Variants in FBRSL1 observed in about 807,000 individuals in gnomAD.
FBRSL1 encodes the protein fibrosin-1-like protein.
Under a neutral mutation model 89.6 loss-of-function variants are expected in FBRSL1, and 51 were observed. The ratio of observed to expected loss-of-function variants is 0.57; its 90% CI spans 0.45 to 0.72. FBRSL1 has a LOEUF of 0.72. FBRSL1 is among the 30% of genes least tolerant of loss of function. FBRSL1 has a pLI of 0.00. For synonymous variants in FBRSL1, 779 were observed against 681.1 expected, an observed-to-expected ratio of 1.14 and a Z score of -2.24; for missense variants, 1,618 against 1,451.8, an observed-to-expected ratio of 1.11 and a Z score of -1.86.
At chr12:132,576,970 C>A (rs1191779356) in intron 15 of FBRSL1, 39 bp downstream of exon 15, 9 of 1,532,320 alleles carry the variant, frequency 5.9e-6, no homozygotes, top group Non-Finnish European at 7.9e-6. Context: ...GCACAGAAAC[C>A]TCCCGCTCGT....
chr12:132,520,780 TG>T (rs1433604744), intron 2 of FBRSL1, among the ~76,000 whole-genome samples: 1 of 152,190 alleles, frequency 6.6e-6, no homozygotes, highest in Non-Finnish European at 1.5e-5. Context: ...CAACCAGGCC[TG>T]GGGACACTGT....
intron 5 of FBRSL1, chr12:132,551,775 G>A (rs1052925241): frequency 3.1e-5 from 11 of 356,368 alleles, no homozygotes; most frequent in East Asian, 1.5e-4. Flanking sequence ...CGGGAGGCTC[G>A]GGCACTGCCA....
intron 5 of FBRSL1, among the ~76,000 whole-genome samples, chr12:132,559,627 C>T (rs1031054752): frequency 5.2e-4 from 79 of 152,176 alleles, no homozygotes; most frequent in Non-Finnish European, 8.7e-4. Flanking sequence ...GTCTCGAACT[C>T]CTGGGCTCAA....
chr12:132,552,823 GGACA>G (rs1052916641), intron 5 of FBRSL1: 4 of 166,596 alleles, frequency 2.4e-5, no homozygotes, highest in Non-Finnish European at 3.9e-5. Flanking sequence ...TCACCCCGCA[GGACA>G]GACAGAAGGA....
chr12:132,569,737 G>A (rs1164041350), intron 6 of FBRSL1, among the ~76,000 whole-genome samples, 189 bp from the exon 7 acceptor site: 1 of 152,112 alleles, frequency 6.6e-6, no homozygotes, highest in South Asian at 2.1e-4. Context: ...TCCGCCGGGC[G>A]GGGCCTGGAG....
intron 4 of FBRSL1, among the ~76,000 whole-genome samples, chr12:132,542,114 G>A (rs2037315991): frequency 6.6e-6 from 1 of 152,244 alleles, no homozygotes; most frequent in South Asian, 2.1e-4. Context: ...GGACACTGAG[G>A]GCAGAAGCCA....
At chr12:132,556,213 G>A (rs113814853) in intron 5 of FBRSL1, among the ~76,000 whole-genome samples, 77 of 152,288 alleles carry the variant, frequency 5.1e-4, no homozygotes, top group African/African-American at 1.8e-3. Flanking sequence ...GTGAACACAC[G>A]CTTCTCCGGG....
intron 5 of FBRSL1, chr12:132,553,002 C>G (rs1306837440): frequency 6.5e-6 from 1 of 152,916 alleles, no homozygotes; most frequent in South Asian, 2.0e-4. Flanking sequence ...TGTATCTGGC[C>G]GCCGGCAGGC....
Position 132,534,878 on chromosome 12 carries a change from T to C in FBRSL1, c.615+6890T>C, listed in dbSNP as rs182060375. Among the ~76,000 whole-genome samples the C allele has an allele frequency of 2.6e-5, 4 of 152,306 alleles. No individual in the cohort carries two copies. In the East Asian group the frequency reaches 7.7e-4, roughly 29 times the overall value. On this transcript the variant is annotated intron_variant, in intron 4 of 18. Coordinates refer to ENST00000680143, the MANE Select transcript of FBRSL1 (RefSeq NM_001367871.1). Reference sequence around the variant, plus strand: ...CTAGGGGAGGGGTTGGACCCTGGCCTGGAGGGGCCTCATGAGTGCCGCCTT... The same window carrying C: ...CTAGGGGAGGGGTTGGACCCTGGCCCGGAGGGGCCTCATGAGTGCCGCCTT...
Position 132,508,267 on chromosome 12 carries a change from C to A in FBRSL1, c.406C>A (p.Pro136Thr), listed in dbSNP as rs1460252795. Residue 136 changes from proline to threonine, a missense_variant, in exon 2 of 19, where the codon CCC becomes ACC. Physicochemically the swap from Pro to Thr is conservative, Grantham distance 38. Transcript: ENST00000680143. ...PPAEPSENRR[P>T]LEAGSPGQDL... ...TGCGGAGCCCAGTGAGAACAGGCGG[C>A]CCCTGGAGGCAGGCAGCCCCGGGCA... 1.1e-5 allele frequency: 17 copies of A among 1,550,594 alleles called. No individual in the cohort carries two copies. The highest frequency in any genetic ancestry group is 1.5e-5 in the Non-Finnish European group (17 of 1,146,860).
chr12:132,578,388 T>C (rs1373431712), intron 15 of FBRSL1, among the ~76,000 whole-genome samples: 1 of 57,120 alleles, frequency 1.8e-5, no homozygotes, highest in African/African-American at 5.5e-5. Context: ...GAAAAGATAT[T>C]TGCCATTCGC....
At chr12:132,521,543 C>T (rs573861767) in intron 2 of FBRSL1, among the ~76,000 whole-genome samples, 29 of 152,296 alleles carry the variant, frequency 1.9e-4, no homozygotes, top group Admixed American at 7.8e-4. Flanking sequence ...CTCTCACCCT[C>T]GCTCCCAGGC....
intron 4 of FBRSL1, among the ~76,000 whole-genome samples, chr12:132,531,869 C>A (rs1021939028): frequency 2.6e-5 from 4 of 152,218 alleles, no homozygotes; most frequent in Non-Finnish European, 5.9e-5. Context: ...GTAATTTTGT[C>A]CACATTGGTG....
chr12:132,583,291 G>A lies in FBRSL1; in HGVS notation c.2522G>A (p.Gly841Asp), dbSNP rs1405345045. The change falls in exon 19 of 19, where the codon GGC (glycine) becomes GAC (aspartate). Residue 841 changes from glycine (G) to aspartate (D), a missense_variant. Coordinates refer to ENST00000680143, the MANE Select transcript of FBRSL1 (RefSeq NM_001367871.1). Reference protein sequence around the residue: ...LHPAPLQLGLGRERLGAPGFA... With the variant: ...LHPAPLQLGLDRERLGAPGFA... ...CCCGCGCCCCTGCAGCTCGGCCTGG[G>A]CCGCGAGCGCCTGGGCGCGCCGGGC... The A allele has an allele frequency of 1.8e-6, 2 of 1,137,740 alleles. 1 individual carries two copies. Among genetic ancestry groups the A allele is most frequent in the South Asian group, 4.9e-5 (2 of 40,660 alleles). The allele number at this position is 1,137,740 out of a possible 1,614,324, so 70.5% of individuals were successfully genotyped here.
chr12:132,581,683 A>T, intron 16 of FBRSL1, 58 bp from the exon 17 acceptor site: 1 of 1,523,302 alleles, frequency 6.6e-7, no homozygotes, highest in South Asian at 1.2e-5. Flanking sequence ...CCACTGGGCC[A>T]GGTGGGAGCC....
chr12:132,504,284 A>C (rs538222058), intron 1 of FBRSL1, among the ~76,000 whole-genome samples: 113 of 152,236 alleles, frequency 7.4e-4, no homozygotes, highest in African/African-American at 2.5e-3. Flanking sequence ...GAATTATTTT[A>C]TCTCTCCGTG....
At chr12:132,556,111 G>T (rs1320779921) in intron 5 of FBRSL1, among the ~76,000 whole-genome samples, 3 of 152,178 alleles carry the variant, frequency 2.0e-5, no homozygotes, top group African/African-American at 7.2e-5. Context: ...GCATTTCCAG[G>T]CCGGCAGCCT....
chr12:132,494,690 GT>G (rs1375573669), intron 1 of FBRSL1, among the ~76,000 whole-genome samples: 20 of 152,364 alleles, frequency 1.3e-4, no homozygotes, highest in Admixed American at 7.2e-4. Flanking sequence ...CTTTCACCTG[GT>G]GACTTTCACT....
intron 1 of FBRSL1, among the ~76,000 whole-genome samples, chr12:132,502,419 T>C (rs987586059): frequency 1.3e-5 from 2 of 152,192 alleles, no homozygotes; most frequent in African/African-American, 2.4e-5. Context: ...AGGGTGAGAC[T>C]GCGGGCCACA....
Sources: gnomAD v4.1 joint callset for allele counts (sites outside exome capture counted in the v4.1 genomes callset) on GRCh38, gnomAD v4.1.1 for gene constraint, MANE v1.5 for transcripts, NCBI Gene and HGNC (gene_info 2026-07-23, HGNC 2026-07-21) for gene names.